PCLO: variants seen among roughly 807,000 people sequenced by gnomAD.
PCLO encodes protein piccolo.
A neutral mutation model predicts 427.5 loss-of-function variants in PCLO; 82 were observed. The ratio of observed to expected loss-of-function variants is 0.19; its 90% CI spans 0.16 to 0.23. The LOEUF (loss-of-function observed/expected upper bound fraction) is 0.23. Ranked by LOEUF, PCLO falls within the 10% of genes least tolerant of loss-of-function variation. PCLO has a pLI of 1.00. For synonymous variants in PCLO, 2,357 were observed against 2,155.4 expected (o/e 1.09, Z -2.59); for missense variants, 6,239 against 6,115.9 (o/e 1.02, Z -0.67).
At position 82,950,947 on chromosome 7, in the gene PCLO, A is replaced by AGCT; in HGVS notation, c.9638_9640dup (p.Gln3213dup). The AGCT allele has an allele frequency of 6.2e-7, 1 of 1,613,454 alleles. No homozygotes were observed. ...TTCCAGGAGCTCACGCTCCAAGTCT[A>AGCT]GCTGCTGCTGTTGTTTATCTTCTTC... On this transcript the variant is annotated inframe_insertion, in exon 6 of 25. Coordinates refer to ENST00000333891, the MANE Select transcript of PCLO (RefSeq NM_033026.6).
chr7:82,763,221 AAAGT>A (rs1408203766), intron 22 of PCLO, among the ~76,000 whole-genome samples: 19 of 152,106 alleles, frequency 1.2e-4, no homozygotes, highest in African/African-American at 4.3e-4. Context: ...GTAAATAAAT[AAAGT>A]GTCTACTAGC....
chr7:83,135,247 G>A lies in PCLO; in HGVS notation c.2303C>T (p.Ser768Phe), dbSNP rs867671751. 3 of 1,613,884 alleles carry A rather than the reference G, an allele frequency of 1.9e-6. No individual in the cohort carries two copies. Among genetic ancestry groups the A allele is most frequent in the Non-Finnish European group, 2.5e-6 (3 of 1,179,888 alleles). The change falls in exon 3 of 25, where the codon TCT becomes TTT. Residue 768 changes from serine (S) to phenylalanine (F), a missense_variant. Physicochemically the swap from Ser to Phe is radical, Grantham distance 155. Transcript: ENST00000333891. ...KMVKPTTDLV[S>F]SSSATTKPDI... is the part of the protein sequence containing the mutation. Reference sequence around the variant, plus strand: ...AGGTTTTGTTGTTGCTGATGATGAAGATACAAGGTCAGTGGTTGGCTTTAC... The same window carrying A: ...AGGTTTTGTTGTTGCTGATGATGAAAATACAAGGTCAGTGGTTGGCTTTAC...
At position 83,134,739 on chromosome 7, in the gene PCLO, T is replaced by G. The variant is rs747720968; in HGVS notation, c.2811A>C (p.Ser937=). The change falls in exon 3 of 25, where the codon TCA becomes TCC. Residue 937 remains serine, a synonymous_variant. Transcript: ENST00000333891. ...TTAAATTTGATGCCTGGCTGAAGAT[T>G]GATGCTCCAAACCCAAAGAGTTTCC... ...VTGKLFGFGA[S]IFSQASNLIS... is the part of the protein sequence containing the mutation. The G allele has an allele frequency of 6.2e-7, 1 of 1,613,914 alleles. No homozygotes were observed. Among genetic ancestry groups the G allele is most frequent in the Non-Finnish European group, 8.5e-7 (1 of 1,179,874 alleles).
chr7:83,120,882 G>A (rs886617580), intron 3 of PCLO, among the ~76,000 whole-genome samples: 4 of 152,096 alleles, frequency 2.6e-5, no homozygotes, highest in Non-Finnish European at 5.9e-5. Context: ...CAAGCAATAA[G>A]AAATTGTCTG....
At chr7:82,785,184 T>C (rs1258013556) in intron 22 of PCLO, among the ~76,000 whole-genome samples, 2 of 152,152 alleles carry the variant, frequency 1.3e-5, no homozygotes, top group Non-Finnish European at 2.9e-5. Context: ...GATTGGGGGC[T>C]GTGGGGGATG....
intron 20 of PCLO, 133 bp from the exon 21 acceptor site, chr7:82,805,962 C>T (rs1791449807): frequency 3.6e-6 from 3 of 839,266 alleles, no homozygotes; most frequent in African/African-American, 1.7e-5. Flanking sequence ...CATTTTTCAA[C>T]CCGCCTTTTC....
intron 3 of PCLO, among the ~76,000 whole-genome samples, chr7:83,003,670 T>A (rs901990498): frequency 1.3e-5 from 2 of 151,912 alleles, no homozygotes; most frequent in African/African-American, 4.8e-5. Context: ...TGTTGCACCA[T>A]CTTTGCATCC....
At chr7:82,961,716 G>A (rs993093849) in intron 4 of PCLO, among the ~76,000 whole-genome samples, 1 of 152,166 alleles carries the variant, frequency 6.6e-6, no homozygotes, top group Non-Finnish European at 1.5e-5. Flanking sequence ...AATCCTGGGA[G>A]AAGGCTGGAA....
intron 9 of PCLO, among the ~76,000 whole-genome samples, chr7:82,898,761 A>T (rs1793967059): frequency 6.6e-6 from 1 of 151,464 alleles, no homozygotes. Flanking sequence ...GTACAATTTT[A>T]TTATGGAAAA....
chr7:83,143,371 A>G (rs1421575338), intron 2 of PCLO, among the ~76,000 whole-genome samples: 3 of 152,198 alleles, frequency 2.0e-5, no homozygotes, highest in East Asian at 3.9e-4. Flanking sequence ...AGCATTCCTC[A>G]GAACTGTGAT....
At chr7:83,076,445 T>G (rs1056337396) in intron 3 of PCLO, among the ~76,000 whole-genome samples, 4 of 151,936 alleles carry the variant, frequency 2.6e-5, no homozygotes, top group Admixed American at 2.6e-4. Flanking sequence ...GTATTTTTAG[T>G]AGAGACAGAG....
Position 82,841,495 on chromosome 7 carries a change from T to C in PCLO, c.14061A>G (p.Thr4687=). 6.3e-7 allele frequency: 1 copy of C among 1,589,912 alleles called. No individual in the cohort carries two copies. Among genetic ancestry groups the C allele is most frequent in the Non-Finnish European group, 8.6e-7 (1 of 1,158,954 alleles). The change falls in exon 14 of 25, where the codon ACA becomes ACG. Residue 4687 remains threonine, a synonymous_variant. Coordinates refer to ENST00000333891, the MANE Select transcript of PCLO (RefSeq NM_033026.6). ...CTGTAATTGGATGAGAGACAACCTT[T>C]GTTCCATCGGTAGGCTGTAATATTA... ...KHGSSKPTDG[T]KVVSHPITGE... is the part of the protein sequence containing the mutation.
intron 3 of PCLO, among the ~76,000 whole-genome samples, chr7:83,129,746 T>A (rs1791523333): frequency 6.6e-6 from 1 of 152,200 alleles, no homozygotes; most frequent in East Asian, 1.9e-4. Flanking sequence ...AATAATTATT[T>A]AAAATGTTAC....
chr7:82,905,303 A>G (rs1794160283), intron 8 of PCLO, among the ~76,000 whole-genome samples: 1 of 152,072 alleles, frequency 6.6e-6, no homozygotes, highest in South Asian at 2.1e-4. Context: ...GTTTGTTAAC[A>G]AAAAGGGAAG....
chr7:82,766,667 A>G (rs1300012775), intron 22 of PCLO, among the ~76,000 whole-genome samples: 1 of 152,110 alleles, frequency 6.6e-6, no homozygotes, highest in Non-Finnish European at 1.5e-5. Flanking sequence ...GGAGAAATTC[A>G]CTTTTATAGG....
At chr7:82,973,953 C>G (rs1029030554) in intron 3 of PCLO, among the ~76,000 whole-genome samples, 2 of 152,050 alleles carry the variant, frequency 1.3e-5, no homozygotes, top group Admixed American at 6.6e-5. Context: ...AACTAATGAT[C>G]TCTGAATTTT....
At chr7:82,870,386 T>C (rs1432992783) in intron 10 of PCLO, among the ~76,000 whole-genome samples, 1 of 152,014 alleles carries the variant, frequency 6.6e-6, no homozygotes, top group Non-Finnish European at 1.5e-5. Context: ...TGGATATTCA[T>C]ATGCAGAAGA....
chr7:82,897,607 G>C (rs933778404), intron 9 of PCLO, among the ~76,000 whole-genome samples: 2 of 151,280 alleles, frequency 1.3e-5, no homozygotes, highest in African/African-American at 2.4e-5. Context: ...CTACTAAATT[G>C]TTAGTACGTT....
intron 3 of PCLO, among the ~76,000 whole-genome samples, chr7:83,030,406 A>G (rs1160890435): frequency 6.6e-6 from 1 of 152,234 alleles, no homozygotes; most frequent in African/African-American, 2.4e-5. Flanking sequence ...CAGCATGAGC[A>G]AAGGCATGGT....
Sources: gnomAD v4.1 joint callset for allele counts (sites outside exome capture counted in the v4.1 genomes callset) on GRCh38, gnomAD v4.1.1 for gene constraint, MANE v1.5 for transcripts, NCBI Gene and HGNC (gene_info 2026-07-23, HGNC 2026-07-21) for gene names.